Variants in CNGB3 observed in about 807,000 individuals in gnomAD.
The protein encoded by CNGB3 is cyclic nucleotide-gated channel beta-3.
CNGB3 carries 86 observed loss-of-function variants against 92.8 expected under a neutral mutation model. That is an observed-to-expected ratio of 0.93 (90% CI 0.78 to 1.11). The LOEUF is 1.11. CNGB3 is among the 50% of genes least tolerant of loss of function. CNGB3 has a pLI of 0.00. For missense variants in CNGB3, 1,026 were observed against 956.8 expected, an observed-to-expected ratio of 1.07 and a Z score of -0.95; for synonymous variants, 333 against 332.7, an observed-to-expected ratio of 1.00 and a Z score of -0.01.
intron 3 of CNGB3, among the ~76,000 whole-genome samples, chr8:86,710,192 C>T (rs937397294): frequency 6.6e-6 from 1 of 152,196 alleles, no homozygotes; most frequent in Non-Finnish European, 1.5e-5. Flanking sequence ...GTGGTTTTCT[C>T]AACTTATCTA....
rs989670003 is a variant in CNGB3, at chr8:86,677,904, A to G, written c.339-6806T>C. Among the ~76,000 whole-genome samples, 28 of 152,178 alleles carry G rather than the reference A, an allele frequency of 1.8e-4. 1 individual carries two copies. Among genetic ancestry groups the G allele is most frequent in the Admixed American group, 1.7e-3 (26 of 15,260 alleles). On this transcript the variant is annotated intron_variant, in intron 3 of 17. Coordinates refer to ENST00000320005, the MANE Select transcript of CNGB3 (RefSeq NM_019098.5). ...CTCTTGTGTTTGTTCTCTAAATAGT[A>G]TTTTGAATTTCTGTTCATTATTTTC...
At chr8:86,739,017 T>TA (rs1223412966) in intron 2 of CNGB3, among the ~76,000 whole-genome samples, 1 of 152,024 alleles carries the variant, frequency 6.6e-6, no homozygotes, top group Non-Finnish European at 1.5e-5. Flanking sequence ...AGGGAGCGTA[T>TA]TTGTAGGAGA....
intron 6 of CNGB3, among the ~76,000 whole-genome samples, chr8:86,662,353 C>T (rs1390120398): frequency 1.3e-5 from 2 of 152,086 alleles, no homozygotes; most frequent in Non-Finnish European, 2.9e-5. Flanking sequence ...CTCTAAGTTC[C>T]TAGGGTAGAT....
intron 3 of CNGB3, among the ~76,000 whole-genome samples, chr8:86,724,895 A>G (rs1799789620): frequency 6.6e-6 from 1 of 152,044 alleles, no homozygotes; most frequent in South Asian, 2.1e-4. Context: ...GAGAGGTGGG[A>G]AAGTTGTGTG....
At position 86,579,200 on chromosome 8, in the gene CNGB3, C is replaced by T. The variant is rs201675902; in HGVS notation, c.1834G>A (p.Gly612Arg). 11 of 1,613,998 alleles carry T rather than the reference C, an allele frequency of 6.8e-6. No individual in the cohort carries two copies. Among genetic ancestry groups the T allele is most frequent in the South Asian group, 3.3e-5 (3 of 91,078 alleles). Residue 612 changes from glycine to arginine, a missense_variant, in exon 16 of 18, where the codon GGG (glycine) becomes AGG (arginine). Transcript: ENST00000320005. ...TCTAGAGTTAAAAGATTGGCAAACC[C>T]GTGGGCCACCACATTGGCAGTTCGA... Reference protein sequence around the residue: ...NRRTANVVAHGFANLLTLDKK... With the variant: ...NRRTANVVAHRFANLLTLDKK...
chr8:86,577,990 AC>A (rs1487719554), intron 17 of CNGB3, among the ~76,000 whole-genome samples: 6 of 151,730 alleles, frequency 4.0e-5, no homozygotes, highest in Admixed American at 2.6e-4. Context: ...GCTCACTACA[AC>A]CTTTGCCTCC....
In CNGB3 at chr8:86,694,369, C is replaced by T. The variant is rs573398639; in HGVS notation, c.339-23271G>A. On this transcript the variant is annotated intron_variant, in intron 3 of 17. Coordinates refer to ENST00000320005, the MANE Select transcript of CNGB3 (RefSeq NM_019098.5). The stretch of plus-strand genomic sequence containing the variant: ...GCGGGGGGCTGACCCCCCCACTTCC[C>T]TCCCGGACGGGGTGGCTGGCCTGGC... Among the ~76,000 whole-genome samples the T allele has an allele frequency of 1.3e-3, 202 of 150,194 alleles. 1 individual carries two copies. Among genetic ancestry groups the T allele is most frequent in the Non-Finnish European group, 2.5e-4 (17 of 67,422 alleles).
intron 3 of CNGB3, among the ~76,000 whole-genome samples, chr8:86,681,880 CTT>C: frequency 6.6e-6 from 1 of 152,136 alleles, no homozygotes; most frequent in Non-Finnish European, 1.5e-5. Context: ...AAGATTATCT[CTT>C]TGCTTTTCTC....
chr8:86,609,376 A>G (rs530499230), intron 14 of CNGB3, among the ~76,000 whole-genome samples: 2 of 152,294 alleles, frequency 1.3e-5, no homozygotes, highest in South Asian at 4.1e-4. Context: ...TTGATTTCAT[A>G]TCACCAATCT....
intron 15 of CNGB3, among the ~76,000 whole-genome samples, chr8:86,601,730 C>T (rs1023570047): frequency 5.9e-5 from 9 of 152,120 alleles, no homozygotes; most frequent in Admixed American, 3.9e-4. Flanking sequence ...CCTGTGAAGC[C>T]TGTGGGTATC....
chr8:86,676,208 A>G (rs952785862), intron 3 of CNGB3, among the ~76,000 whole-genome samples: 1 of 152,212 alleles, frequency 6.6e-6, no homozygotes, highest in Non-Finnish European at 1.5e-5. Flanking sequence ...TGGCTGCTTT[A>G]GTATAACATG....
chr8:86,691,950 T>A (rs959506616), intron 3 of CNGB3, among the ~76,000 whole-genome samples: 11 of 152,214 alleles, frequency 7.2e-5, no homozygotes, highest in Non-Finnish European at 1.0e-4. Flanking sequence ...GTTCAAATAA[T>A]TTTTTAATGT....
chr8:86,593,755 C>T, intron 15 of CNGB3: 2 of 1,270,726 alleles, frequency 1.6e-6, no homozygotes, highest in Middle Eastern at 2.7e-4. Flanking sequence ...GTCACCAGCT[C>T]AGGATGCCAG....
intron 6 of CNGB3, chr8:86,660,508 A>T: frequency 1.9e-6 from 1 of 531,504 alleles, no homozygotes; most frequent in Non-Finnish European, 3.9e-6. Flanking sequence ...AGGTGGCAGC[A>T]TGTCCAGAGG....
intron 15 of CNGB3, chr8:86,593,695 C>T: frequency 1.4e-6 from 1 of 726,820 alleles, no homozygotes; most frequent in Non-Finnish European, 2.3e-6. Context: ...CCTCACTAGG[C>T]ACGCTGAGGG....
At chr8:86,601,804 AG>A (rs981032600) in intron 15 of CNGB3, among the ~76,000 whole-genome samples, 16 of 152,314 alleles carry the variant, frequency 1.1e-4, no homozygotes, top group East Asian at 5.8e-4. Flanking sequence ...CAAGGCAAAA[AG>A]CTCCCTTTTA....
intron 15 of CNGB3, among the ~76,000 whole-genome samples, chr8:86,580,127 G>A (rs544485042): frequency 7.2e-6 from 1 of 139,618 alleles, no homozygotes; most frequent in African/African-American, 2.7e-5. Context: ...AGAGAGCAAG[G>A]AAGTGCCACA....
intron 15 of CNGB3, among the ~76,000 whole-genome samples, chr8:86,584,448 T>G (rs1422631299): frequency 6.6e-6 from 1 of 152,224 alleles, no homozygotes; most frequent in African/African-American, 2.4e-5. Context: ...ATTTCTCAAG[T>G]TTTAATTAAA....
At chr8:86,589,424 T>C (rs943725295) in intron 15 of CNGB3, among the ~76,000 whole-genome samples, 1 of 151,240 alleles carries the variant, frequency 6.6e-6, no homozygotes, top group African/African-American at 2.4e-5. Flanking sequence ...CTTTTAATTG[T>C]GATGTTAGGG....
Sources: allele counts gnomAD v4.1 joint callset (sites outside exome capture counted in the v4.1 genomes callset), GRCh38; gene constraint gnomAD v4.1.1; transcripts MANE v1.5; gene names NCBI Gene and HGNC (gene_info 2026-07-23, HGNC 2026-07-21).